SMIM21: variants seen among roughly 807,000 people sequenced by gnomAD.
The protein encoded by SMIM21 is chromosome 18 open reading frame 62.
SMIM21 carries 8 observed loss-of-function variants against 8.6 expected under a neutral mutation model. The ratio of observed to expected loss-of-function variants is 0.93; its 90% CI spans 0.55 to 1.68. SMIM21 has a LOEUF of 1.68. Ranked by LOEUF, SMIM21 falls within the 40% of genes most tolerant of loss-of-function variation. The pLI is 0.00. For synonymous variants in SMIM21, 43 were observed against 41.7 expected, an observed-to-expected ratio of 1.03 and a Z score of -0.12; for missense variants, 132 against 123.0, an observed-to-expected ratio of 1.07 and a Z score of -0.35.
intron 1 of SMIM21, among the ~76,000 whole-genome samples, chr18:75,425,355 T>C (rs1447330670): frequency 2.0e-5 from 3 of 152,118 alleles, no homozygotes; most frequent in African/African-American, 7.2e-5. Context: ...AGAAACATAG[T>C]GGAACCAGTG....
Position 75,410,698 on chromosome 18 carries a change from A to T in SMIM21, c.*166T>A. 1.4e-6 allele frequency: 2 copies of T among 1,430,834 alleles called. No individual in the cohort carries two copies. Among genetic ancestry groups the T allele is most frequent in the Middle Eastern group, 1.8e-4 (1 of 5,416 alleles). 88.6% of individuals were successfully genotyped at this position (1,430,834 alleles called of 1,614,324 possible). On this transcript the variant is annotated 3_prime_UTR_variant, in exon 3 of 3. Transcript: ENST00000579022. ...GCCCCTCAAGAACAAAGCAGACATT[A>T]TCATTGCAAAAAGTTACACGTTCTT...
At position 75,427,643 on chromosome 18, in the gene SMIM21, C is replaced by G. The variant is rs892584503; in HGVS notation, c.-80G>C. ...GGACACAGAGCTGGTGCTATAAGAC[C>G]TGGTAACTAAGTTCCCAAGGAGCTT... On this transcript the variant is annotated 5_prime_UTR_variant, in exon 1 of 3. Coordinates refer to ENST00000579022, the MANE Select transcript of SMIM21 (RefSeq NM_001037331.3). 8 of 1,401,078 alleles carry G rather than the reference C, an allele frequency of 5.7e-6. No homozygotes were observed. The highest frequency in any genetic ancestry group is 2.4e-5 in the Admixed American group (1 of 42,384). The allele number at this position is 1,401,078 out of a possible 1,614,324, so 86.8% of individuals were successfully genotyped here.
chr18:75,413,809 A>G (rs1326708801), intron 2 of SMIM21, among the ~76,000 whole-genome samples: 1 of 152,148 alleles, frequency 6.6e-6, no homozygotes, highest in East Asian at 1.9e-4. Flanking sequence ...TCATGAGTGC[A>G]AACACCTTGT....
rs1453885178 is a variant in SMIM21, at chr18:75,410,042, A to G, written c.*822T>C. 6.6e-6 allele frequency: 1 copy of G among 152,562 alleles called. No individual in the cohort carries two copies. Among genetic ancestry groups the G allele is most frequent in the African/African-American group, 2.4e-5 (1 of 41,398 alleles). The allele number at this position is 152,562 out of a possible 1,614,324, so 9.5% of individuals were successfully genotyped here. A position where few individuals can be genotyped will look rare whatever the true frequency, so the allele number is the denominator to read the frequency against. ...GACGTAGCTCTTGTTGGTGTTAATT[A>G]TTTCCTTTTCATTTCCAGCTGGCAC... On this transcript the variant is annotated 3_prime_UTR_variant, in exon 3 of 3. Transcript: ENST00000579022.
At chr18:75,417,992 G>T (rs940469829) in intron 2 of SMIM21, 22 of 383,554 alleles carry the variant, frequency 5.7e-5, no homozygotes, top group Non-Finnish European at 9.2e-5. Flanking sequence ...TTATTTTTTT[G>T]TTTGCTTGTT....
Position 75,427,497 on chromosome 18 carries a change from C to A in SMIM21, c.67G>T (p.Asp23Tyr). Reference sequence around the variant, plus strand: ...AATATCCGTCCCATTCCTGCAGAGTCTTGTTTAAATGTTCCCAGCTGTGCT... The same window carrying A: ...AATATCCGTCCCATTCCTGCAGAGTATTGTTTAAATGTTCCCAGCTGTGCT... The part of the protein sequence containing the change: ...PIAQLGTFKQ[D>Y]SAGMGRIFKG... The change falls in exon 1 of 3, where the codon GAC becomes TAC. Residue 23 changes from aspartate to tyrosine, a missense_variant. Transcript: ENST00000579022. 1 of 1,614,078 alleles carries A rather than the reference C, an allele frequency of 6.2e-7. No individual in the cohort carries two copies.
At chr18:75,419,117 G>A (rs536347099) in intron 1 of SMIM21, 2 of 406,470 alleles carry the variant, frequency 4.9e-6, no homozygotes, top group East Asian at 7.5e-5. Flanking sequence ...GATAATGCAT[G>A]TAAAACAACT....
chr18:75,410,621 G>A lies in SMIM21; in HGVS notation c.*243C>T, dbSNP rs1460044027. 2.8e-5 allele frequency: 30 copies of A among 1,053,374 alleles called. No homozygotes were observed. Among genetic ancestry groups the A allele is most frequent in the Non-Finnish European group, 3.5e-5 (28 of 792,846 alleles). 65.3% of individuals were successfully genotyped at this position (1,053,374 alleles called of 1,614,324 possible). On this transcript the variant is annotated 3_prime_UTR_variant, in exon 3 of 3. Coordinates refer to ENST00000579022, the MANE Select transcript of SMIM21 (RefSeq NM_001037331.3). ...CGCAGGGCAGATTTCGCAGGGTTGG[G>A]TGGCATCTGCAGCTCTCCTCCGGAA...
intron 2 of SMIM21, 23 bp downstream of exon 2, chr18:75,418,763 T>C: frequency 6.3e-7 from 1 of 1,589,002 alleles, no homozygotes. Context: ...TTTTTTTAAC[T>C]GCTAAGGTTA....
At chr18:75,426,994 T>C (rs2024771332) in intron 1 of SMIM21, among the ~76,000 whole-genome samples, 1 of 152,214 alleles carries the variant, frequency 6.6e-6, no homozygotes, top group Non-Finnish European at 1.5e-5. Context: ...GCTTCTGTCC[T>C]GTAATGAAGG....
At chr18:75,411,044 A>G in intron 2 of SMIM21, 135 bp from the exon 3 acceptor site, 4 of 1,297,198 alleles carry the variant, frequency 3.1e-6, no homozygotes, top group Non-Finnish European at 4.2e-6. Flanking sequence ...AAGATTTTGG[A>G]GTGTTTTGAG....
At chr18:75,411,614 A>G (rs369144851) in intron 2 of SMIM21, among the ~76,000 whole-genome samples, 54 of 152,248 alleles carry the variant, frequency 3.5e-4, no homozygotes, top group African/African-American at 1.2e-3. Flanking sequence ...TGTGGGTGAC[A>G]TCGTTAGCCA....
rs531289530 is a variant in SMIM21 at position 75,426,458 on chromosome 18, C to T, written c.129+977G>A. The stretch of plus-strand genomic sequence containing the variant: ...CCAAGTAGCTGGGACTACAAGTGCC[C>T]GCCACCACGACTGGCTAATTTTTTG... On this transcript the variant is annotated intron_variant, in intron 1 of 2. Transcript: ENST00000579022. Among the ~76,000 whole-genome samples the T allele has an allele frequency of 2.6e-4, 40 of 151,478 alleles. No individual in the cohort carries two copies. The South Asian group carries it at 5.5e-3, about 21-fold the overall frequency.
At chr18:75,425,267 G>C (rs570609879) in intron 1 of SMIM21, among the ~76,000 whole-genome samples, 6 of 152,248 alleles carry the variant, frequency 3.9e-5, no homozygotes, top group African/African-American at 9.6e-5. Context: ...CTGCAAACAG[G>C]AGATACTGAG....
chr18:75,423,861 A>AT (rs2024734022), intron 1 of SMIM21, among the ~76,000 whole-genome samples: 3 of 152,130 alleles, frequency 2.0e-5, no homozygotes, highest in African/African-American at 7.2e-5. Context: ...TAAAAGTCCA[A>AT]ATTTTTTTTT....
intron 2 of SMIM21, among the ~76,000 whole-genome samples, chr18:75,415,521 G>T (rs2024634670): frequency 6.6e-6 from 1 of 152,212 alleles, no homozygotes; most frequent in Non-Finnish European, 1.5e-5. Flanking sequence ...GCCTGGGAGT[G>T]TGCTCCCATC....
chr18:75,421,781 TA>T (rs1383948838), intron 1 of SMIM21, among the ~76,000 whole-genome samples: 1 of 152,174 alleles, frequency 6.6e-6, no homozygotes, highest in Admixed American at 6.5e-5. Context: ...TTCACATTTT[TA>T]CAAACCTCTG....
At chr18:75,414,822 A>C (rs1252080274) in intron 2 of SMIM21, among the ~76,000 whole-genome samples, 1 of 151,866 alleles carries the variant, frequency 6.6e-6, no homozygotes, top group East Asian at 1.9e-4. Flanking sequence ...CGTACCACAT[A>C]ATTGGCTTTG....
At chr18:75,413,983 A>G (rs2024611178) in intron 2 of SMIM21, among the ~76,000 whole-genome samples, 1 of 152,118 alleles carries the variant, frequency 6.6e-6, no homozygotes, top group Non-Finnish European at 1.5e-5. Flanking sequence ...AAACAAAAGA[A>G]ACAAAGAACA....
Sources: gnomAD v4.1 joint callset for allele counts (sites outside exome capture counted in the v4.1 genomes callset) on GRCh38, gnomAD v4.1.1 for gene constraint, MANE v1.5 for transcripts, NCBI Gene and HGNC (gene_info 2026-07-23, HGNC 2026-07-21) for gene names.